Variants in SNTG1 observed in about 807,000 individuals in gnomAD.
SNTG1 encodes the protein gamma-1-syntrophin.
Under a neutral mutation model 74.7 loss-of-function variants are expected in SNTG1, and 39 were observed. That is an observed-to-expected ratio of 0.52 (90% CI 0.40 to 0.68). The LOEUF (loss-of-function observed/expected upper bound fraction) is 0.68. SNTG1 is among the 30% of genes least tolerant of loss of function. The pLI is 0.00. For missense variants in SNTG1, 685 were observed against 609.5 expected (o/e 1.12, Z -1.30); for synonymous variants, 254 against 217.1 (o/e 1.17, Z -1.49).
At chr8:50,277,150 C>A (rs78466416) in intron 2 of SNTG1, among the ~76,000 whole-genome samples, 1,815 of 151,582 alleles carry the variant, frequency 0.012, no homozygotes, top group Non-Finnish European at 0.019. Context: ...TTTTGTAGTT[C>A]CAGCTACTCG....
rs142838464 is a variant in SNTG1 at position 50,269,085 on chromosome 8, A to G, written c.-28+96450A>G. On this transcript the variant is annotated intron_variant, in intron 2 of 18. Transcript: ENST00000642720. ...GGGCTAAACCTTACATCTTATACAA[A>G]ATTTAACTCAAAATGAATTACTGGT... is the stretch of plus-strand genomic sequence containing the variant. 2.2e-3 allele frequency among the ~76,000 whole-genome samples: 342 copies of G among 152,348 alleles called. 2 individuals carry two copies. The highest frequency in any genetic ancestry group is 7.7e-3 in the African/African-American group (320 of 41,584).
intron 1 of SNTG1, among the ~76,000 whole-genome samples, chr8:49,934,906 A>G (rs1345095986): frequency 6.6e-6 from 1 of 152,138 alleles, no homozygotes; most frequent in East Asian, 1.9e-4. Context: ...AAACAAAGGA[A>G]TTGTTTCTCT....
chr8:50,358,163 G>A (rs991490616), intron 2 of SNTG1, among the ~76,000 whole-genome samples: 4 of 152,222 alleles, frequency 2.6e-5, no homozygotes, highest in South Asian at 4.2e-4. Context: ...GGTTTCTCTC[G>A]GGAACCCATA....
chr8:50,687,224 A>G (rs1274326222), intron 15 of SNTG1, among the ~76,000 whole-genome samples: 2 of 152,020 alleles, frequency 1.3e-5, no homozygotes, highest in African/African-American at 4.8e-5. Context: ...AAAGACAGCG[A>G]GAGATGAAAA....
At chr8:50,268,966 G>C (rs994188402) in intron 2 of SNTG1, among the ~76,000 whole-genome samples, 1 of 152,008 alleles carries the variant, frequency 6.6e-6, no homozygotes, top group African/African-American at 2.4e-5. Context: ...GCCTCAACCA[G>C]TTTTTGAAAG....
chr8:49,936,415 G>A (rs1280366073), intron 1 of SNTG1, among the ~76,000 whole-genome samples: 4 of 151,976 alleles, frequency 2.6e-5, no homozygotes, highest in African/African-American at 7.3e-5. Flanking sequence ...TAAACAACTC[G>A]AAATTTTAGA....
chr8:50,128,848 C>A (rs1288316960), intron 1 of SNTG1, among the ~76,000 whole-genome samples: 1 of 152,040 alleles, frequency 6.6e-6, no homozygotes, highest in Non-Finnish European at 1.5e-5. Context: ...ACAATTTGAA[C>A]TTTATATCAA....
chr8:50,657,249 G>A (rs1508620), intron 14 of SNTG1, among the ~76,000 whole-genome samples: 76,871 of 151,948 alleles, frequency 0.51, 21,789 homozygotes, highest in East Asian at 0.66. Context: ...TATAAATAGT[G>A]AACCTATAAA....
intron 9 of SNTG1, among the ~76,000 whole-genome samples, chr8:50,503,504 T>A (rs1000606555): frequency 2.6e-5 from 4 of 152,198 alleles, no homozygotes; most frequent in African/African-American, 9.6e-5. Flanking sequence ...TTAATCCACT[T>A]CTTACAATCA....
chr8:50,519,165 A>C (rs1373377828), intron 9 of SNTG1, among the ~76,000 whole-genome samples: 1 of 152,194 alleles, frequency 6.6e-6, no homozygotes, highest in Non-Finnish European at 1.5e-5. Context: ...CAAATCAATA[A>C]ATGTAATCCA....
chr8:49,938,746 T>C (rs1379385108), intron 1 of SNTG1, among the ~76,000 whole-genome samples: 2 of 151,168 alleles, frequency 1.3e-5, no homozygotes, highest in Non-Finnish European at 2.9e-5. Flanking sequence ...GTTTATTTTT[T>C]TCCTATGAAA....
At chr8:50,182,388 T>C (rs561318972) in intron 2 of SNTG1, among the ~76,000 whole-genome samples, 145 of 152,308 alleles carry the variant, frequency 9.5e-4, no homozygotes, top group Non-Finnish European at 1.8e-3. Flanking sequence ...AATATTTTTA[T>C]GACATGACAT....
intron 2 of SNTG1, among the ~76,000 whole-genome samples, chr8:50,369,823 C>G (rs2092225180): frequency 6.6e-6 from 1 of 152,160 alleles, no homozygotes; most frequent in Non-Finnish European, 1.5e-5. Context: ...GCAGCCCAAA[C>G]TGACTCGATG....
At chr8:50,308,947 T>C (rs2090002652) in intron 2 of SNTG1, among the ~76,000 whole-genome samples, 1 of 152,130 alleles carries the variant, frequency 6.6e-6, no homozygotes, top group African/African-American at 2.4e-5. Context: ...TTGTGTGTTA[T>C]AACTAGGAAG....
chr8:50,315,389 T>A (rs531575641), intron 2 of SNTG1, among the ~76,000 whole-genome samples: 2 of 150,178 alleles, frequency 1.3e-5, no homozygotes, highest in East Asian at 3.9e-4. Context: ...AAATTTTGTA[T>A]GAACTTTATT....
chr8:50,087,860 C>T (rs958657118), intron 1 of SNTG1, among the ~76,000 whole-genome samples: 1 of 150,152 alleles, frequency 6.7e-6, no homozygotes, highest in Admixed American at 6.6e-5. Flanking sequence ...ATACATGTGC[C>T]ATGCTGGTGC....
intron 15 of SNTG1, among the ~76,000 whole-genome samples, chr8:50,702,263 A>G (rs1471662839): frequency 6.6e-6 from 1 of 152,112 alleles, no homozygotes; most frequent in Admixed American, 6.5e-5. Context: ...AAACTACTAA[A>G]AAGTATTTAT....
intron 1 of SNTG1, among the ~76,000 whole-genome samples, chr8:49,969,385 ATCTTTTTTTTTTTTT>A (rs1490043721): frequency 1.7e-5 from 2 of 116,628 alleles, no homozygotes; most frequent in Non-Finnish European, 3.4e-5. Context: ...AATTCATTTA[ATCTTTTTTTTTTTTT>A]TTTTTTTTTT....
intron 2 of SNTG1, among the ~76,000 whole-genome samples, chr8:50,385,209 T>A (rs930152844): frequency 6.6e-5 from 10 of 152,172 alleles, no homozygotes; most frequent in African/African-American, 2.4e-4. Context: ...CAGAATCTTC[T>A]CCTGTTCTGG....
Sources: gnomAD v4.1 joint callset for allele counts (sites outside exome capture counted in the v4.1 genomes callset) on GRCh38, gnomAD v4.1.1 for gene constraint, MANE v1.5 for transcripts, NCBI Gene and HGNC (gene_info 2026-07-23, HGNC 2026-07-21) for gene names.